The following KDM4B variants were observed in gnomAD, a reference collection of about 807,000 sequenced individuals.
The protein encoded by KDM4B is lysine demethylase 4B.
A neutral mutation model predicts 125.2 loss-of-function variants in KDM4B; 32 were observed. That is an observed-to-expected ratio of 0.26 (90% CI 0.19 to 0.34). The LOEUF (loss-of-function observed/expected upper bound fraction) is 0.34, where lower values mean the gene tolerates loss of function less well. KDM4B is among the 10% of genes least tolerant of loss of function. The pLI, the probability that KDM4B is intolerant of heterozygous loss-of-function variation, is 1.00. For missense variants in KDM4B, 1,190 were observed against 1,577.7 expected, an observed-to-expected ratio of 0.75 and a Z score of 4.16; for synonymous variants, 721 against 677.9, an observed-to-expected ratio of 1.06 and a Z score of -0.99.
chr19:5,073,539 G>C (rs2038012260), intron 7 of KDM4B, among the ~76,000 whole-genome samples: 1 of 152,246 alleles, frequency 6.6e-6, no homozygotes. Flanking sequence ...GTTAGCCACT[G>C]TCCCCTCCCT....
chr19:5,067,443 C>T (rs1271273210), intron 6 of KDM4B, among the ~76,000 whole-genome samples: 1 of 152,230 alleles, frequency 6.6e-6, no homozygotes, highest in African/African-American at 2.4e-5. Flanking sequence ...GCTGGCCACA[C>T]ACAGCCCCAG....
intron 16 of KDM4B, 65 bp from the exon 17 acceptor site, chr19:5,137,556 C>A: frequency 1.3e-6 from 2 of 1,495,500 alleles, no homozygotes; most frequent in Admixed American, 1.9e-5. Flanking sequence ...GCAGATCAGG[C>A]CCCAAGCAGT....
chr19:4,984,386 G>A (rs1479075732), intron 1 of KDM4B, among the ~76,000 whole-genome samples: 3 of 152,224 alleles, frequency 2.0e-5, no homozygotes, highest in East Asian at 1.9e-4. Flanking sequence ...TTAAGGAGCC[G>A]TGGAAGTGAT....
chr19:5,068,499 C>G (rs907023014), intron 6 of KDM4B, among the ~76,000 whole-genome samples: 2 of 152,172 alleles, frequency 1.3e-5, no homozygotes, highest in Non-Finnish European at 2.9e-5. Flanking sequence ...CGTGGCGCCT[C>G]CAGCCTCACT....
chr19:5,138,333 G>A lies in KDM4B; in HGVS notation c.2550+263G>A, dbSNP rs2039685068. 19 of 511,706 alleles carry A rather than the reference G, an allele frequency of 3.7e-5. No homozygotes were observed. The South Asian group carries it at 4.2e-4, about 11-fold the overall frequency. 31.7% of individuals were successfully genotyped at this position (511,706 alleles called of 1,614,324 possible). A position where few individuals can be genotyped will look rare whatever the true frequency, so the allele number is the denominator to read the frequency against. On this transcript the variant is annotated intron_variant, in intron 18 of 22. Coordinates refer to ENST00000159111, the MANE Select transcript of KDM4B (RefSeq NM_015015.3). The stretch of plus-strand genomic sequence containing the variant: ...CAGGCCCCGTCAGGTGTGGCCTTGG[G>A]GGCATCCTCTGCAGAATCGAGCACC...
At chr19:5,122,107 G>A (rs2039371985) in intron 11 of KDM4B, among the ~76,000 whole-genome samples, 5 of 152,152 alleles carry the variant, frequency 3.3e-5, no homozygotes, top group African/African-American at 1.2e-4. Context: ...AGTCTGACAG[G>A]CCTCACTGGG....
rs114504907 is a variant in KDM4B at position 5,001,527 on chromosome 19, G to A, written c.-108-14730G>A. ...TTTGTTTCCAGGCTCTTACGGTGGC[G>A]AACTGTGCTGCCGTGAGTAACCTGG... is the stretch of plus-strand genomic sequence containing the variant. On this transcript the variant is annotated intron_variant, in intron 1 of 22. Coordinates refer to ENST00000159111, the MANE Select transcript of KDM4B (RefSeq NM_015015.3). Among the ~76,000 whole-genome samples the A allele has an allele frequency of 7.9e-5, 12 of 152,292 alleles. No individual in the cohort carries two copies. The East Asian group carries it at 2.1e-3, about 27-fold the overall frequency.
intron 9 of KDM4B, among the ~76,000 whole-genome samples, chr19:5,095,911 T>C (rs1329735383): frequency 2.6e-5 from 4 of 152,156 alleles, no homozygotes; most frequent in Admixed American, 2.0e-4. Flanking sequence ...CCCCAGTCTA[T>C]AGAGTGGGTG....
At chr19:5,038,707 T>C (rs1289520118) in intron 3 of KDM4B, among the ~76,000 whole-genome samples, 1 of 152,212 alleles carries the variant, frequency 6.6e-6, no homozygotes, top group Non-Finnish European at 1.5e-5. Context: ...TGTGGATCGC[T>C]GTGTGCCTCA....
At chr19:5,036,629 C>T (rs1032098836) in intron 3 of KDM4B, among the ~76,000 whole-genome samples, 1 of 152,234 alleles carries the variant, frequency 6.6e-6, no homozygotes, top group African/African-American at 2.4e-5. Flanking sequence ...GGCATGTGGC[C>T]GGTCGCCTTC....
At chr19:5,138,504 A>G in intron 18 of KDM4B, 1 of 168,834 alleles carries the variant, frequency 5.9e-6, no homozygotes, top group Non-Finnish European at 1.3e-5. Flanking sequence ...AAAATAAAAA[A>G]CACTAGCTGG....
At chr19:5,119,011 G>C (rs1020996960) in intron 10 of KDM4B, 14 of 670,514 alleles carry the variant, frequency 2.1e-5, no homozygotes, top group Non-Finnish European at 3.6e-5. Context: ...ATGGGCTGCA[G>C]AGAGAGGACC....
chr19:5,133,878 T>C lies in KDM4B; in HGVS notation c.1907-5T>C, dbSNP rs1309795220. 6.2e-7 allele frequency: 1 copy of C among 1,612,478 alleles called. No individual in the cohort carries two copies. The highest frequency in any genetic ancestry group is 1.7e-5 in the Admixed American group (1 of 59,944). ...TCTCTCTCCCTCTCCCCTCTGTTCTTCTAGAGGCATCCCCTTTCTCCGGGG... is the reference window on the plus strand; with the variant it reads ...TCTCTCTCCCTCTCCCCTCTGTTCTCCTAGAGGCATCCCCTTTCTCCGGGG... On this transcript the variant is annotated splice_region_variant and splice_polypyrimidine_tract_variant and intron_variant, in intron 13 of 22. Coordinates refer to ENST00000159111, the MANE Select transcript of KDM4B (RefSeq NM_015015.3).
rs956567255 is a variant in KDM4B, at chr19:5,035,682, G to A, written c.141+2651G>A. On this transcript the variant is annotated intron_variant, in intron 3 of 22. Coordinates refer to ENST00000159111, the MANE Select transcript of KDM4B (RefSeq NM_015015.3). This position sits in a 1 kb window ranked among gnomAD's most constrained non-coding sequence, Gnocchi z 5.3. ...GCACCGGCGTCTTAAGCCAGTGTGG[G>A]GAGTATGGTTTCCCTGCCTTGCGTT... Among the ~76,000 whole-genome samples the A allele has an allele frequency of 3.3e-5, 5 of 152,056 alleles. No individual in the cohort carries two copies. Among genetic ancestry groups the A allele is most frequent in the Non-Finnish European group, 5.9e-5 (4 of 68,024 alleles).
At chr19:5,134,508 C>T (rs2039614066) in intron 14 of KDM4B, among the ~76,000 whole-genome samples, 1 of 152,202 alleles carries the variant, frequency 6.6e-6, no homozygotes, top group Non-Finnish European at 1.5e-5. Flanking sequence ...GCTGGCCTCG[C>T]CTGTCCTCTG....
intron 2 of KDM4B, among the ~76,000 whole-genome samples, chr19:5,016,632 A>G (rs1451875479): frequency 6.6e-6 from 1 of 152,174 alleles, no homozygotes; most frequent in African/African-American, 2.4e-5. Flanking sequence ...CTCCTCCTGC[A>G]TTTCGGGTGA....
rs776937258 is a variant in KDM4B at position 5,082,459 on chromosome 19, C to T, written c.873C>T (p.Asn291=). ...NHGFNCAEST[N]FATLRWIDYG... is the part of the protein sequence containing the mutation. The stretch of plus-strand genomic sequence containing the variant: ...GGTTCAACTGCGCAGAATCTACCAA[C>T]TTCGCCACCCTGCGGTGGATTGACT... The change falls in exon 9 of 23, where the codon AAC becomes AAT. Residue 291 remains asparagine (N), a synonymous_variant. Coordinates refer to ENST00000159111, the MANE Select transcript of KDM4B (RefSeq NM_015015.3). This position sits in a 1 kb window ranked among gnomAD's most constrained non-coding sequence, Gnocchi z 5.4. The T allele has an allele frequency of 1.2e-6, 2 of 1,612,692 alleles. No individual in the cohort carries two copies. Among genetic ancestry groups the T allele is most frequent in the Admixed American group, 3.3e-5 (2 of 59,912 alleles).
intron 6 of KDM4B, among the ~76,000 whole-genome samples, chr19:5,052,080 G>C (rs79137877): frequency 6.6e-6 from 1 of 152,092 alleles, no homozygotes; most frequent in African/African-American, 2.4e-5. Context: ...GGCCAGGGGA[G>C]AGGGGATTAT....
intron 7 of KDM4B, 86 bp downstream of exon 7, chr19:5,071,145 G>A (rs1030514604): frequency 7.8e-7 from 1 of 1,284,092 alleles, no homozygotes; most frequent in Non-Finnish European, 1.1e-6. Flanking sequence ...CGTCCCCCGG[G>A]CTCTGCTGCG....
Sources: gnomAD v4.1 joint callset for allele counts (sites outside exome capture counted in the v4.1 genomes callset) on GRCh38, gnomAD v4.1.1 for gene constraint, Gnocchi (gnomAD v3.1) non-coding constraint, MANE v1.5 for transcripts, NCBI Gene and HGNC (gene_info 2026-07-23, HGNC 2026-07-21) for gene names.